The following TTC23L variants were observed in gnomAD, a reference collection of about 807,000 sequenced individuals.
The protein encoded by TTC23L is tetratricopeptide repeat domain 23 like.
A neutral mutation model predicts 48.1 loss-of-function variants in TTC23L; 42 were observed. The observed-to-expected ratio is 0.87, with a 90% confidence interval of 0.68 to 1.13. The LOEUF is 1.13. Ranked by LOEUF, TTC23L falls within the 50% of genes most tolerant of loss-of-function variation. The probability of loss-of-function intolerance (pLI) is 0.00; values close to 1 mark genes in which losing one functional copy is unlikely to be tolerated. For missense variants in TTC23L, 391 were observed against 421.0 expected (o/e 0.93, Z 0.62); for synonymous variants, 159 against 157.2 (o/e 1.01, Z -0.09).
At chr5:34,868,051 T>G (rs1392778025) in intron 7 of TTC23L, 3 of 152,232 alleles carry the variant, frequency 2.0e-5, no homozygotes, top group African/African-American at 7.2e-5. Context: ...AGAGGATATA[T>G]CGATTCATTT....
At chr5:34,854,112 T>TTA (rs2150370442) in intron 4 of TTC23L, among the ~76,000 whole-genome samples, 1 of 152,326 alleles carries the variant, frequency 6.6e-6, no homozygotes, top group East Asian at 1.9e-4. Flanking sequence ...AGTGAACAGG[T>TTA]TATACCACAA....
the TTC23L span, among the ~76,000 whole-genome samples, chr5:34,914,220 G>GA: frequency 6.6e-6 from 1 of 152,124 alleles, no homozygotes; most frequent in Non-Finnish European, 1.5e-5. Context: ...TATCGCAGTG[G>GA]AAAAAAGAGC....
the TTC23L span, chr5:34,918,531 T>C: frequency 1.0e-6 from 1 of 978,748 alleles, no homozygotes; most frequent in Non-Finnish European, 1.5e-6. Flanking sequence ...CCTATTTTTA[T>C]GTTTTCACTT....
chr5:34,878,694 A>C (rs985176841), intron 8 of TTC23L, among the ~76,000 whole-genome samples: 1 of 152,206 alleles, frequency 6.6e-6, no homozygotes, highest in African/African-American at 2.4e-5. Flanking sequence ...AAACAAAAAC[A>C]GATGTTGGTG....
chr5:34,916,063 T>A, the TTC23L span: 1 of 771,454 alleles, frequency 1.3e-6, no homozygotes, highest in Non-Finnish European at 1.9e-6. Flanking sequence ...AGTTTGCAGC[T>A]AATCCTTGTG....
chr5:34,913,574 C>G, the TTC23L span: 7 of 1,566,146 alleles, frequency 4.5e-6, no homozygotes, highest in Admixed American at 1.9e-5. Context: ...CTGAAATATT[C>G]CAGCCTATGA....
the TTC23L span, chr5:34,909,390 TC>T: frequency 3.4e-6 from 5 of 1,457,568 alleles, no homozygotes; most frequent in Non-Finnish European, 3.8e-6. Flanking sequence ...TATTCATTCA[TC>T]CAAAAATAAA....
At chr5:34,915,927 G>C in the TTC23L span, 2 of 1,509,746 alleles carry the variant, frequency 1.3e-6, no homozygotes, top group Non-Finnish European at 1.8e-6. Flanking sequence ...GGCTACACCT[G>C]CGGCGGCGGC....
In TTC23L at chr5:34,880,326, A is replaced by G; in HGVS notation, c.1077+18A>G. Reference sequence around the variant, plus strand: ...AAAAACAGGTAAATATGATCAATGCATAAACAGAATTGCTAGTTTGTTTAT... The same window carrying G: ...AAAAACAGGTAAATATGATCAATGCGTAAACAGAATTGCTAGTTTGTTTAT... On this transcript the variant is annotated intron_variant, in intron 9 of 10. Transcript: ENST00000505624. The G allele has an allele frequency of 6.3e-7, 1 of 1,593,484 alleles. No homozygotes were observed. The highest frequency in any genetic ancestry group is 8.5e-7 in the Non-Finnish European group (1 of 1,172,052).
chr5:34,892,329 CAG>C (rs1316647087), intron 9 of TTC23L, among the ~76,000 whole-genome samples: 1 of 152,112 alleles, frequency 6.6e-6, no homozygotes, highest in Non-Finnish European at 1.5e-5. Context: ...TCCTTGAAAT[CAG>C]AGTTAATTTC....
rs78886015 is a variant in TTC23L at position 34,881,246 on chromosome 5, T to C, written c.1077+938T>C. The stretch of plus-strand genomic sequence containing the variant: ...TCGGATCTAGCTACTAGTTCTTTTC[T>C]TTTGCAGTAGTGGTTTTCTCTTGAT... On this transcript the variant is annotated intron_variant, in intron 9 of 10. Transcript: ENST00000505624. 5.8e-3 allele frequency among the ~76,000 whole-genome samples: 882 copies of C among 152,362 alleles called. 8 individuals carry two copies. The highest frequency in any genetic ancestry group is 0.02 in the African/African-American group (839 of 41,582).
intron 9 of TTC23L, among the ~76,000 whole-genome samples, chr5:34,885,570 C>T (rs1184369197): frequency 6.6e-6 from 1 of 151,864 alleles, no homozygotes; most frequent in Non-Finnish European, 1.5e-5. Context: ...CATAGTGGGA[C>T]CCCATTTCTA....
At chr5:34,895,489 A>AT (rs1239615379) in intron 9 of TTC23L, among the ~76,000 whole-genome samples, 2 of 152,218 alleles carry the variant, frequency 1.3e-5, no homozygotes, top group Non-Finnish European at 2.9e-5. Flanking sequence ...TATCTGTCAG[A>AT]TGTCTCTGGA....
At chr5:34,898,859 T>C (rs574119766) in intron 10 of TTC23L, among the ~76,000 whole-genome samples, 78 of 152,268 alleles carry the variant, frequency 5.1e-4, no homozygotes, top group Non-Finnish European at 9.4e-4. Flanking sequence ...GAACACTTAA[T>C]AGTAACTGTG....
At chr5:34,891,856 T>G (rs1762885604) in intron 9 of TTC23L, among the ~76,000 whole-genome samples, 1 of 152,182 alleles carries the variant, frequency 6.6e-6, no homozygotes, top group Admixed American at 6.5e-5. Flanking sequence ...GAGGAAAAAT[T>G]AGGAGATCTA....
At chr5:34,873,688 C>A (rs149177799) in intron 8 of TTC23L, among the ~76,000 whole-genome samples, 1 of 151,994 alleles carries the variant, frequency 6.6e-6, no homozygotes, top group Non-Finnish European at 1.5e-5. Flanking sequence ...ATGGGGAGAC[C>A]ACAGAAGGGC....
downstream of TTC23L, among the ~76,000 whole-genome samples, chr5:34,902,071 C>T (rs541591131): frequency 4.6e-5 from 7 of 152,162 alleles, no homozygotes; most frequent in Non-Finnish European, 1.0e-4. Context: ...TGGGTTTGCA[C>T]TATAAATAAC....
intron 9 of TTC23L, among the ~76,000 whole-genome samples, chr5:34,896,494 T>C (rs1347258963): frequency 2.6e-5 from 4 of 152,226 alleles, no homozygotes; most frequent in African/African-American, 7.2e-5. Flanking sequence ...ACATTGAGTC[T>C]CAGTTTCTTC....
Position 34,863,116 on chromosome 5 carries a change from G to A in TTC23L, c.536+62G>A. 1 of 1,596,330 alleles carries A rather than the reference G, an allele frequency of 6.3e-7. No individual in the cohort carries two copies. The highest frequency in any genetic ancestry group is 2.2e-5 in the East Asian group (1 of 44,710). Reference sequence around the variant, plus strand: ...GCCACAGGCCACACATGCCAGATGGGTCATCTCATACAGGAGGGTGGGAGA... The same window carrying A: ...GCCACAGGCCACACATGCCAGATGGATCATCTCATACAGGAGGGTGGGAGA... On this transcript the variant is annotated intron_variant, in intron 5 of 10. Transcript: ENST00000505624. The surrounding 1 kb of genome is among the most constrained non-coding windows in gnomAD (Gnocchi z 4.1).
Sources: gnomAD v4.1 joint callset for allele counts (sites outside exome capture counted in the v4.1 genomes callset) on GRCh38, gnomAD v4.1.1 for gene constraint, Gnocchi (gnomAD v3.1) non-coding constraint, MANE v1.5 for transcripts, NCBI Gene and HGNC (gene_info 2026-07-23, HGNC 2026-07-21) for gene names.